SLC18B1: variants seen among roughly 807,000 people sequenced by gnomAD.
The protein encoded by SLC18B1 is MFS-type transporter SLC18B1.
Under a neutral mutation model 53.9 loss-of-function variants are expected in SLC18B1, and 62 were observed. The observed-to-expected ratio is 1.15, with a 90% CI of 0.94 to 1.42. SLC18B1 has a LOEUF of 1.42. SLC18B1 is among the 40% of genes most tolerant of loss of function. The pLI is 0.00. For synonymous variants in SLC18B1, 217 were observed against 200.9 expected (o/e 1.08, Z -0.68); for missense variants, 598 against 547.3 (o/e 1.09, Z -0.93).
Position 132,792,284 on chromosome 6 carries a change from G to GAAAGAAAGAAAGAAAGAAAGAAAGA in SLC18B1, c.184-2013_184-2012insTCTTTCTTTCTTTCTTTCTTTCTTT, listed in dbSNP as rs1461079612. ...GAAAGAAAGAAAGAAAGAAAGAAAG[G>GAAAGAAAGAAAGAAAGAAAGAAAGA]AAGAAAGGAAGGAAGGAAGGAAGGA... On this transcript the variant is annotated intron_variant, in intron 2 of 13. Coordinates refer to ENST00000275227, the MANE Select transcript of SLC18B1 (RefSeq NM_052831.3). 8.0e-3 allele frequency among the ~76,000 whole-genome samples: 301 copies of GAAAGAAAGAAAGAAAGAAAGAAAGA among 37,782 alleles called. 75 individuals are homozygous for GAAAGAAAGAAAGAAAGAAAGAAAGA. Among genetic ancestry groups the GAAAGAAAGAAAGAAAGAAAGAAAGA allele is most frequent in the South Asian group, 9.0e-3 (8 of 884 alleles). 24.8% of individuals were successfully genotyped at this position (37,782 alleles called of 152,430 possible). A position where few individuals can be genotyped will look rare whatever the true frequency, so the allele number is the denominator to read the frequency against.
intron 4 of SLC18B1, among the ~76,000 whole-genome samples, chr6:132,788,828 G>GAAA (rs1158922120): frequency 0.028 from 1,942 of 70,226 alleles, 78 homozygotes; most frequent in African/African-American, 0.077. Context: ...ATCTCAAAAA[G>GAAA]AAAAAAAAAA....
chr6:132,775,311 GC>G (rs1781072069), intron 8 of SLC18B1, among the ~76,000 whole-genome samples: 1 of 152,172 alleles, frequency 6.6e-6, no homozygotes, highest in African/African-American at 2.4e-5. Context: ...TGTTTATAAA[GC>G]CTCTCAGTTT....
intron 6 of SLC18B1, among the ~76,000 whole-genome samples, chr6:132,781,447 G>A (rs1006248763): frequency 1.3e-5 from 2 of 151,868 alleles, no homozygotes; most frequent in Non-Finnish European, 2.9e-5. Context: ...TCCAGTGATC[G>A]AGAAGGTTTA....
chr6:132,797,103 C>T lies in SLC18B1; in HGVS notation c.62G>A (p.Ser21Asn). The T allele has an allele frequency of 6.2e-7, 1 of 1,613,850 alleles. No homozygotes were observed. Among genetic ancestry groups the T allele is most frequent in the Non-Finnish European group, 8.5e-7 (1 of 1,179,948 alleles). Residue 21 changes from serine (S) to asparagine (N), a missense_variant, in exon 2 of 14, where the codon AGT (serine) becomes AAT (asparagine). Physicochemically the swap from Ser to Asn is conservative, Grantham distance 46. Coordinates refer to ENST00000275227, the MANE Select transcript of SLC18B1 (RefSeq NM_052831.3). ...RAPGGDDPAG[S>N]AGETPGWLSR... ...AAGCCACCCGGGGGTCTCTCCTGCA[C>T]TTCCTGCAGGATCATCACCTTGAAT... is the stretch of plus-strand genomic sequence containing the variant.
In SLC18B1 at chr6:132,795,645, AGGATT is replaced by A. The variant is rs1443322953; in HGVS notation, c.183+1332_183+1336del. On this transcript the variant is annotated intron_variant, in intron 2 of 13. Transcript: ENST00000275227. ...CAAGCTTCCACTGCACTGTGAGCCA[AGGATT>A]TGGCAAAAAGCACAAAATAAAACAC... is the stretch of plus-strand genomic sequence containing the variant. Among the ~76,000 whole-genome samples, 89 of 152,360 alleles carry A rather than the reference AGGATT, an allele frequency of 5.8e-4. 1 individual carries two copies. The highest frequency in any genetic ancestry group is 5.8e-3 in the Admixed American group (89 of 15,300).
chr6:132,794,352 C>T (rs1417417481), intron 2 of SLC18B1, among the ~76,000 whole-genome samples: 1 of 151,850 alleles, frequency 6.6e-6, no homozygotes, highest in Non-Finnish European at 1.5e-5. Flanking sequence ...GATCCTCCCA[C>T]CTCAGCCTCC....
intron 8 of SLC18B1, among the ~76,000 whole-genome samples, chr6:132,774,517 A>C (rs1781053228): frequency 6.6e-6 from 1 of 152,230 alleles, no homozygotes; most frequent in South Asian, 2.1e-4. Flanking sequence ...CAGAAAGTGA[A>C]CAAAGGACAA....
chr6:132,795,516 T>C (rs547693628), intron 2 of SLC18B1, among the ~76,000 whole-genome samples: 7 of 152,348 alleles, frequency 4.6e-5, no homozygotes, highest in Non-Finnish European at 7.3e-5. Context: ...GAGCACTGTA[T>C]GGGTACATGG....
In SLC18B1 at chr6:132,770,287, A is replaced by G. The variant is rs780342084; in HGVS notation, c.1354T>C (p.Leu452=). 5.6e-6 allele frequency: 9 copies of G among 1,613,592 alleles called. No homozygotes were observed. The African/African-American group carries it at 1.1e-4, about 19-fold the overall frequency. ...LSTEEERTTL[L]PNET ...CCATCGGACTAGGTTTCATTAGGCA[A>G]GAGAGTAGTTCGTTCCTCCTCTGTG... is the stretch of plus-strand genomic sequence containing the variant. Residue 452 remains leucine, a synonymous_variant, in exon 14 of 14, where the codon TTG becomes CTG. Coordinates refer to ENST00000275227, the MANE Select transcript of SLC18B1 (RefSeq NM_052831.3).
In SLC18B1 at chr6:132,797,125, G is replaced by A. The variant is rs1781714588; in HGVS notation, c.44-4C>T. ...GCACTTCCTGCAGGATCATCACCTT[G>A]AATGCAAACATGCAGCAATTAGGCA... On this transcript the variant is annotated splice_region_variant and splice_polypyrimidine_tract_variant and intron_variant, in intron 1 of 13. Coordinates refer to ENST00000275227, the MANE Select transcript of SLC18B1 (RefSeq NM_052831.3). The A allele has an allele frequency of 2.5e-6, 4 of 1,612,140 alleles. No individual in the cohort carries two copies. In the East Asian group the frequency reaches 8.9e-5, roughly 36 times the overall value.
At chr6:132,792,292 G>GA (rs1781559322) in intron 2 of SLC18B1, among the ~76,000 whole-genome samples, 3 of 31,594 alleles carry the variant, frequency 9.5e-5, no homozygotes, top group Non-Finnish European at 5.6e-5. Context: ...AGGAAGAAAG[G>GA]AAGGAAGGAA....
intron 2 of SLC18B1, among the ~76,000 whole-genome samples, chr6:132,793,672 A>T (rs909424663): frequency 1.3e-5 from 2 of 152,192 alleles, no homozygotes; most frequent in Non-Finnish European, 2.9e-5. Context: ...ATAACATCTA[A>T]CAGGGTTGTG....
At chr6:132,775,315 C>A (rs1048457905) in intron 8 of SLC18B1, among the ~76,000 whole-genome samples, 2 of 152,196 alleles carry the variant, frequency 1.3e-5, no homozygotes, top group Non-Finnish European at 2.9e-5. Flanking sequence ...TATAAAGCCT[C>A]TCAGTTTACG....
At chr6:132,773,293 G>T in intron 9 of SLC18B1, among the ~76,000 whole-genome samples, 1 of 115,846 alleles carries the variant, frequency 8.6e-6, no homozygotes, top group East Asian at 3.1e-4. Flanking sequence ...CGGGGGGGTG[G>T]GGGGGAATTC....
chr6:132,791,538 T>C (rs1781524893), intron 2 of SLC18B1, among the ~76,000 whole-genome samples: 1 of 152,134 alleles, frequency 6.6e-6, no homozygotes, highest in Non-Finnish European at 1.5e-5. Flanking sequence ...CATAGCGTCA[T>C]ACCACAGGAA....
intron 5 of SLC18B1, among the ~76,000 whole-genome samples, chr6:132,785,118 A>AGTGTGTGT (rs3063220): frequency 7.0e-6 from 1 of 143,004 alleles, no homozygotes; most frequent in Non-Finnish European, 1.6e-5. Context: ...TCTCTCTCTC[A>AGTGTGTGT]GTGTGTGTGT....
At chr6:132,788,839 A>AAC (rs1554222801) in intron 4 of SLC18B1, among the ~76,000 whole-genome samples, 5 of 150,898 alleles carry the variant, frequency 3.3e-5, no homozygotes, top group Non-Finnish European at 7.4e-5. Flanking sequence ...AAAAAAAAAA[A>AAC]AAAAAACATG....
chr6:132,774,459 A>G (rs1332490700), intron 8 of SLC18B1, 146 bp from the exon 9 acceptor site: 4 of 581,410 alleles, frequency 6.9e-6, no homozygotes, highest in African/African-American at 5.7e-5. Flanking sequence ...CATTTAAAAG[A>G]AAGTAAGGAG....
chr6:132,770,898 C>T lies in SLC18B1; in HGVS notation c.1296G>A (p.Arg432=), dbSNP rs1780951899. The change falls in exon 13 of 14, where the codon AGG becomes AGA. Residue 432 remains arginine (R), a synonymous_variant. Transcript: ENST00000275227. ...CCCAAAATTGACCATACCTTTTTCT[C>T]CTTGAATACTCCAGTAGATAAAACA... ...MGLFYLLEYS[R]RKRSKSQNIL... 6.2e-7 allele frequency: 1 copy of T among 1,610,002 alleles called. No individual in the cohort carries two copies. The highest frequency in any genetic ancestry group is 8.5e-7 in the Non-Finnish European group (1 of 1,178,892).
Sources: gnomAD v4.1 joint callset for allele counts (sites outside exome capture counted in the v4.1 genomes callset) on GRCh38, gnomAD v4.1.1 for gene constraint, MANE v1.5 for transcripts, NCBI Gene and HGNC (gene_info 2026-07-23, HGNC 2026-07-21) for gene names.